CTDP1: variants seen among roughly 807,000 people sequenced by gnomAD.
CTDP1 encodes the protein CTD phosphatase 1, also known as RNA polymerase II subunit A C-terminal domain phosphatase.
A neutral mutation model predicts 91.8 loss-of-function variants in CTDP1; 47 were observed. That is an observed-to-expected ratio of 0.51 (90% CI 0.41 to 0.65). The LOEUF (loss-of-function observed/expected upper bound fraction) is 0.65, where lower values mean the gene tolerates loss of function less well. Ranked by LOEUF, CTDP1 falls within the 30% of genes least tolerant of loss-of-function variation. The pLI, the probability that CTDP1 is intolerant of heterozygous loss-of-function variation, is 0.00. For synonymous variants in CTDP1, 656 were observed against 598.5 expected (o/e 1.10, Z -1.40); for missense variants, 1,272 against 1,373.7 (o/e 0.93, Z 1.17).
intron 12 of CTDP1, among the ~76,000 whole-genome samples, chr18:79,752,182 G>T (rs2087016149): frequency 1.3e-5 from 2 of 152,240 alleles, no homozygotes; most frequent in Admixed American, 1.3e-4. Flanking sequence ...CGGCTCCTAA[G>T]GAAAACCTAG....
rs555372010 is a variant in CTDP1 at position 79,696,204 on chromosome 18, G to A, written c.492+134G>A. 2.4e-4 allele frequency: 190 copies of A among 786,752 alleles called. No homozygotes were observed. In the Admixed American group the frequency reaches 3.5e-3, roughly 15 times the overall value. The allele number at this position is 786,752 out of a possible 1,614,324, so 48.7% of individuals were successfully genotyped here. ...TTACTGAAACAACCCCTCATCACAC[G>A]GATGACTTATGGGACTGCGGCCTTC... On this transcript the variant is annotated intron_variant, in intron 3 of 12. Transcript: ENST00000613122.
At position 79,713,061 on chromosome 18, in the gene CTDP1, A is replaced by C; in HGVS notation, c.953A>C (p.Lys318Thr). 6.2e-7 allele frequency: 1 copy of C among 1,614,202 alleles called. No homozygotes were observed. The highest frequency in any genetic ancestry group is 8.5e-7 in the Non-Finnish European group (1 of 1,180,028). Residue 318 changes from lysine to threonine, a missense_variant, in exon 7 of 13, where the codon AAG (lysine) becomes ACG (threonine). Coordinates refer to ENST00000613122, the MANE Select transcript of CTDP1 (RefSeq NM_004715.5). This position sits in a 1 kb window ranked among gnomAD's most constrained non-coding sequence, Gnocchi z 4.7. ...TTTGCCCCCAATCTGATAACTGTGA[A>C]GAAATATGTATACTTCCAGGGCACG... is the stretch of plus-strand genomic sequence containing the variant. ...WKFAPNLITV[K>T]KYVYFQGTGD...
chr18:79,740,949 G>T (rs1255170393), intron 12 of CTDP1, among the ~76,000 whole-genome samples: 2 of 152,164 alleles, frequency 1.3e-5, no homozygotes, highest in African/African-American at 4.8e-5. Context: ...AGGCGCCCAG[G>T]TGAGGTGAGG....
At position 79,704,822 on chromosome 18, in the gene CTDP1, G is replaced by A; in HGVS notation, c.677G>A (p.Arg226His). Residue 226 changes from arginine to histidine, a missense_variant, in exon 5 of 13, where the codon CGT becomes CAT. Arg to His is a conservative substitution (Grantham distance 29, BLOSUM62 0). Around this residue, in one of 3 missense-constraint regions of CTDP1, gnomAD observed 177 missense variants for 283.0 expected, o/e 0.63. Coordinates refer to ENST00000613122, the MANE Select transcript of CTDP1 (RefSeq NM_004715.5). ...RGEPMLHTRL[R>H]PHCKDFLEKI... Reference sequence around the variant, plus strand: ...GAGCCCATGCTGCACACGCGCCTGCGTCCACACTGCAAGGACTTCCTGGAG... The same window carrying A: ...GAGCCCATGCTGCACACGCGCCTGCATCCACACTGCAAGGACTTCCTGGAG... The A allele has an allele frequency of 1.2e-6, 2 of 1,613,994 alleles. No individual in the cohort carries two copies. The highest frequency in any genetic ancestry group is 1.1e-5 in the South Asian group (1 of 91,086).
In CTDP1 at chr18:79,714,745, T is replaced by C. The variant is rs943864428; in HGVS notation, c.1285T>C (p.Cys429Arg). 1.2e-6 allele frequency: 2 copies of C among 1,601,910 alleles called. No homozygotes were observed. The highest frequency in any genetic ancestry group is 1.7e-6 in the Non-Finnish European group (2 of 1,175,058). ...LAGAPEPQGSCAQGGRVAPGQ... is the reference protein window; with the variant it reads ...LAGAPEPQGSRAQGGRVAPGQ... ...AGGCGCTCCTGAGCCCCAGGGATCC[T>C]GTGCGCAGGGTGGCCGGGTGGCACC... Residue 429 changes from cysteine to arginine, a missense_variant, in exon 8 of 13, where the codon TGT becomes CGT. Around this residue, in one of 3 missense-constraint regions of CTDP1, gnomAD observed 881 missense variants for 911.6 expected, o/e 0.97. Transcript: ENST00000613122.
chr18:79,739,748 C>G (rs1418742094), intron 12 of CTDP1, among the ~76,000 whole-genome samples: 4 of 152,216 alleles, frequency 2.6e-5, no homozygotes, highest in Non-Finnish European at 4.4e-5. Context: ...TGTTCAGGTT[C>G]TGCTGCGCAG....
In CTDP1 at chr18:79,714,685, C is replaced by T. The variant is rs775169775; in HGVS notation, c.1225C>T (p.Pro409Ser). Residue 409 changes from proline to serine, a missense_variant, in exon 8 of 13, where the codon CCT becomes TCT. Physicochemically the swap from Pro to Ser is moderately conservative, Grantham distance 74. Around this residue, in one of 3 missense-constraint regions of CTDP1, gnomAD observed 881 missense variants for 911.6 expected, o/e 0.97. Coordinates refer to ENST00000613122, the MANE Select transcript of CTDP1 (RefSeq NM_004715.5). ...GKPDERDIWP[P>S]AQAPTSSQEL... The stretch of plus-strand genomic sequence containing the variant: ...GCCAGACGAGAGGGACATCTGGCCC[C>T]CTGCCCAGGCCCCCACCAGCAGCCA... 1 of 1,610,368 alleles carries T rather than the reference C, an allele frequency of 6.2e-7. No homozygotes were observed. The highest frequency in any genetic ancestry group is 8.5e-7 in the Non-Finnish European group (1 of 1,178,816).
intron 12 of CTDP1, among the ~76,000 whole-genome samples, chr18:79,746,351 C>T (rs1273546716): frequency 7.0e-6 from 1 of 142,274 alleles, no homozygotes; most frequent in Non-Finnish European, 1.5e-5. Flanking sequence ...CGCGTTCTGA[C>T]CCTGCGTCCC....
intron 10 of CTDP1, among the ~76,000 whole-genome samples, chr18:79,724,461 G>A (rs902024257): frequency 6.6e-6 from 1 of 152,186 alleles, no homozygotes; most frequent in Non-Finnish European, 1.5e-5. Context: ...CCCAGGTGGC[G>A]TGGCCAGTGC....
intron 11 of CTDP1, among the ~76,000 whole-genome samples, chr18:79,730,019 A>G (rs2086534273): frequency 6.6e-6 from 1 of 152,254 alleles, no homozygotes; most frequent in South Asian, 2.1e-4. Flanking sequence ...GCTCCTGTGT[A>G]TCTTCAACAG....
At chr18:79,750,770 TC>T (rs1165701890) in intron 12 of CTDP1, among the ~76,000 whole-genome samples, 1 of 148,638 alleles carries the variant, frequency 6.7e-6, no homozygotes, top group East Asian at 2.1e-4. Context: ...TGACTTGGCC[TC>T]CCAAAGTGCT....
chr18:79,748,027 A>T (rs1312488490), intron 12 of CTDP1, among the ~76,000 whole-genome samples: 2 of 152,174 alleles, frequency 1.3e-5, no homozygotes, highest in Non-Finnish European at 2.9e-5. Flanking sequence ...GTTGAATTTG[A>T]GATAAATGTT....
chr18:79,706,897 A>T (rs2085978119), intron 5 of CTDP1, among the ~76,000 whole-genome samples: 2 of 152,390 alleles, frequency 1.3e-5, no homozygotes, highest in South Asian at 4.1e-4. Flanking sequence ...TGCACGTCTG[A>T]GTCCAGGATG....
intron 3 of CTDP1, among the ~76,000 whole-genome samples, chr18:79,697,356 CTG>C (rs1568180849): frequency 6.6e-6 from 1 of 152,222 alleles, no homozygotes; most frequent in Non-Finnish European, 1.5e-5. Flanking sequence ...GAGCTCCACT[CTG>C]GGCCCCGCGT....
rs144288214 is a variant in CTDP1, at chr18:79,684,768, A to C, written c.314+4507A>C. 4.1e-3 allele frequency among the ~76,000 whole-genome samples: 621 copies of C among 152,356 alleles called. 8 individuals carry two copies. Among genetic ancestry groups the C allele is most frequent in the African/African-American group, 0.014 (569 of 41,586 alleles). ...TTTGGGTGAAGTTACAATAGTCACTAGATTGTCGTTTTGATCTTTAATAAG... is the reference window on the plus strand; with the variant it reads ...TTTGGGTGAAGTTACAATAGTCACTCGATTGTCGTTTTGATCTTTAATAAG... On this transcript the variant is annotated intron_variant, in intron 1 of 12. Coordinates refer to ENST00000613122, the MANE Select transcript of CTDP1 (RefSeq NM_004715.5).
Position 79,703,162 on chromosome 18 carries a change from A to G in CTDP1, c.622-1605A>G, listed in dbSNP as rs1410990875. Reference sequence around the variant, plus strand: ...AACTTCTCACTCCTAAATATTTGACAGAGTAGCTTCTTCATGACGGTCGTG... The same window carrying G: ...AACTTCTCACTCCTAAATATTTGACGGAGTAGCTTCTTCATGACGGTCGTG... On this transcript the variant is annotated intron_variant, in intron 4 of 12. Coordinates refer to ENST00000613122, the MANE Select transcript of CTDP1 (RefSeq NM_004715.5). 2.0e-5 allele frequency: 3 copies of G among 152,232 alleles called. No homozygotes were observed. The South Asian group carries it at 6.2e-4, about 31-fold the overall frequency. 9.4% of individuals were successfully genotyped at this position (152,232 alleles called of 1,614,324 possible).
At chr18:79,728,053 C>T (rs940919627) in intron 10 of CTDP1, among the ~76,000 whole-genome samples, 1 of 152,168 alleles carries the variant, frequency 6.6e-6, no homozygotes, top group Non-Finnish European at 1.5e-5. Context: ...TGATTTATTA[C>T]ATTAATATTT....
At position 79,753,709 on chromosome 18, in the gene CTDP1, C is replaced by T. The variant is rs1436602850; in HGVS notation, c.2805C>T (p.Ser935=). 2 of 1,614,108 alleles carry T rather than the reference C, an allele frequency of 1.2e-6. No individual in the cohort carries two copies. The highest frequency in any genetic ancestry group is 1.7e-6 in the Non-Finnish European group (2 of 1,179,978). ...CCGCCAGCGAGTCCAGCAGGGAGTC[C>T]AGCAACGAGGATGAGGGCAGCAGCT... The part of the protein sequence containing the change: ...EDAASESSRE[S]SNEDEGSSSE... The change falls in exon 13 of 13, where the codon TCC becomes TCT. Residue 935 remains serine, a synonymous_variant. Coordinates refer to ENST00000613122, the MANE Select transcript of CTDP1 (RefSeq NM_004715.5).
At position 79,713,143 on chromosome 18, in the gene CTDP1, G is replaced by A; in HGVS notation, c.1030+5G>A. ...AATCTCAGACGAGAAAGAAAGGTGG[G>A]TAACCTCCTTCCTGATTCTCTAGAA... On this transcript the variant is annotated splice_donor_5th_base_variant and intron_variant, in intron 7 of 12. Transcript: ENST00000613122. This position sits in a 1 kb window ranked among gnomAD's most constrained non-coding sequence, Gnocchi z 4.7. 1 of 1,613,442 alleles carries A rather than the reference G, an allele frequency of 6.2e-7. No individual in the cohort carries two copies. The highest frequency in any genetic ancestry group is 8.5e-7 in the Non-Finnish European group (1 of 1,179,576).
Sources: gnomAD v4.1 joint callset for allele counts (sites outside exome capture counted in the v4.1 genomes callset) on GRCh38, gnomAD v4.1.1 for gene constraint, gnomAD v4.1.1 regional missense constraint, Gnocchi (gnomAD v3.1) non-coding constraint, MANE v1.5 for transcripts, NCBI Gene and HGNC (gene_info 2026-07-23, HGNC 2026-07-21) for gene names.